C8orf34: variants seen among roughly 807,000 people sequenced by gnomAD.
C8orf34 encodes the protein uncharacterized protein C8orf34.
C8orf34 carries 65 observed loss-of-function variants against 68.3 expected under a neutral mutation model. That is an observed-to-expected ratio of 0.95 (90% CI 0.78 to 1.17). The LOEUF (loss-of-function observed/expected upper bound fraction) is 1.17. Among genes scored for constraint, C8orf34 ranks in the 50% most tolerant of loss-of-function variants. The pLI is 0.00. For missense variants in C8orf34, 664 were observed against 655.4 expected (o/e 1.01, Z -0.14); for synonymous variants, 244 against 241.2 (o/e 1.01, Z -0.11).
intron 8 of C8orf34, among the ~76,000 whole-genome samples, chr8:68,686,789 A>C (rs1820532341): frequency 6.6e-6 from 1 of 152,160 alleles, no homozygotes; most frequent in Non-Finnish European, 1.5e-5. Flanking sequence ...ATCAGGCAAG[A>C]GAAAGAAATA....
chr8:68,464,871 A>G (rs1447830236), intron 3 of C8orf34, among the ~76,000 whole-genome samples: 1 of 152,062 alleles, frequency 6.6e-6, no homozygotes. Flanking sequence ...AGGCAATACC[A>G]TTCAGGACAT....
At chr8:68,640,297 G>A (rs1407893127) in intron 7 of C8orf34, 79 bp from the exon 8 acceptor site, 1 of 1,364,346 alleles carries the variant, frequency 7.3e-7, no homozygotes, top group African/African-American at 1.4e-5. Context: ...ACTAATGGCA[G>A]ATACCTGAAA....
chr8:68,333,622 G>A (rs1265347210), intron 1 of C8orf34, among the ~76,000 whole-genome samples: 1 of 152,172 alleles, frequency 6.6e-6, no homozygotes, highest in East Asian at 1.9e-4. Flanking sequence ...AATGGACATT[G>A]TTGACCTAGA....
At chr8:68,368,204 A>C (rs901525836) in intron 1 of C8orf34, among the ~76,000 whole-genome samples, 1 of 152,140 alleles carries the variant, frequency 6.6e-6, no homozygotes, top group African/African-American at 2.4e-5. Flanking sequence ...ATTATGATGC[A>C]GGAAAGTTTT....
At chr8:68,501,676 T>C (rs1031924776) in intron 5 of C8orf34, among the ~76,000 whole-genome samples, 3 of 152,188 alleles carry the variant, frequency 2.0e-5, no homozygotes, top group Non-Finnish European at 4.4e-5. Flanking sequence ...ACAAAATTTC[T>C]TTTAGCCACT....
chr8:68,635,720 A>T lies in C8orf34; in HGVS notation c.1106-4656A>T, dbSNP rs149636361. On this transcript the variant is annotated intron_variant, in intron 7 of 13. Transcript: ENST00000518698. ...ACATTTCCAGGAATGGGGTAATCAC[A>T]TCTCCTACACAGCACTGTACAGTAT... Among the ~76,000 whole-genome samples, 24 of 152,310 alleles carry T rather than the reference A, an allele frequency of 1.6e-4. No individual in the cohort carries two copies. In the East Asian group the frequency reaches 4.6e-3, roughly 29 times the overall value.
At chr8:68,748,544 AAAAC>A (rs543193199) in intron 10 of C8orf34, among the ~76,000 whole-genome samples, 287 of 152,302 alleles carry the variant, frequency 1.9e-3, no homozygotes, top group African/African-American at 6.3e-3. Context: ...TTACAAGAAA[AAAAC>A]AAACAACCCC....
chr8:68,772,348 C>G (rs1046646348), intron 10 of C8orf34, among the ~76,000 whole-genome samples: 1 of 152,172 alleles, frequency 6.6e-6, no homozygotes, highest in African/African-American at 2.4e-5. Context: ...ACAAGAGAAG[C>G]ATGGCATAAT....
intron 10 of C8orf34, among the ~76,000 whole-genome samples, chr8:68,774,442 T>C (rs1823448300): frequency 6.6e-6 from 1 of 151,996 alleles, no homozygotes; most frequent in South Asian, 2.1e-4. Flanking sequence ...GAGGGATTTA[T>C]ATGAACTTAA....
At chr8:68,603,762 C>T (rs35583718) in intron 7 of C8orf34, among the ~76,000 whole-genome samples, 40,749 of 151,882 alleles carry the variant, frequency 0.27, 7,633 homozygotes, top group African/African-American at 0.54. Context: ...GAAGGAACTT[C>T]CTTAGGGGAT....
chr8:68,435,229 AC>A (rs1189732393), intron 1 of C8orf34, among the ~76,000 whole-genome samples: 3 of 150,562 alleles, frequency 2.0e-5, no homozygotes, highest in African/African-American at 7.3e-5. Context: ...ATGTAGAAAA[AC>A]AATAGTAAAA....
chr8:68,463,957 G>A (rs915146360), intron 3 of C8orf34, among the ~76,000 whole-genome samples: 2 of 152,148 alleles, frequency 1.3e-5, no homozygotes, highest in Non-Finnish European at 2.9e-5. Context: ...TTAGGCAGGA[G>A]AAGGAAATAA....
intron 7 of C8orf34, among the ~76,000 whole-genome samples, chr8:68,568,675 G>T (rs71517205): frequency 6.6e-6 from 1 of 151,990 alleles, no homozygotes; most frequent in African/African-American, 2.4e-5. Flanking sequence ...ATTTTATGAA[G>T]GCCCATAAGT....
intron 7 of C8orf34, chr8:68,533,635 A>T: frequency 3.0e-6 from 3 of 984,568 alleles, no homozygotes; most frequent in Non-Finnish European, 3.6e-6. Context: ...AAATGACGGG[A>T]AAGTTTGCAG....
At chr8:68,384,481 A>G (rs1290495884) in intron 1 of C8orf34, among the ~76,000 whole-genome samples, 2 of 152,232 alleles carry the variant, frequency 1.3e-5, no homozygotes, top group Non-Finnish European at 2.9e-5. Flanking sequence ...CTTGTTAAAT[A>G]AAAGAAGACA....
chr8:68,750,818 C>A (rs1235027203), intron 10 of C8orf34, among the ~76,000 whole-genome samples: 1 of 152,118 alleles, frequency 6.6e-6, no homozygotes, highest in Non-Finnish European at 1.5e-5. Context: ...GTTCTAGGAG[C>A]TTTACAGACA....
chr8:68,701,567 T>C (rs992917997), intron 8 of C8orf34, among the ~76,000 whole-genome samples: 2 of 152,014 alleles, frequency 1.3e-5, no homozygotes, highest in African/African-American at 4.8e-5. Flanking sequence ...AGTCCATTTC[T>C]GAGCACCTCC....
At chr8:68,564,811 G>T (rs1167665106) in intron 7 of C8orf34, among the ~76,000 whole-genome samples, 1 of 152,130 alleles carries the variant, frequency 6.6e-6, no homozygotes, top group Non-Finnish European at 1.5e-5. Flanking sequence ...GAATCTATAG[G>T]GTTGGATTGT....
At chr8:68,700,528 G>A (rs1339256502) in intron 8 of C8orf34, among the ~76,000 whole-genome samples, 2 of 152,082 alleles carry the variant, frequency 1.3e-5, no homozygotes, top group South Asian at 2.1e-4. Flanking sequence ...CAAATGCTGA[G>A]GGAATTCAGA....
Sources: gnomAD v4.1 joint callset for allele counts (sites outside exome capture counted in the v4.1 genomes callset) on GRCh38, gnomAD v4.1.1 for gene constraint, MANE v1.5 for transcripts, NCBI Gene and HGNC (gene_info 2026-07-23, HGNC 2026-07-21) for gene names.